The following SOBP variants were observed in gnomAD, a reference collection of about 807,000 sequenced individuals.
SOBP encodes sine oculis binding protein homolog.
A neutral mutation model predicts 53.6 loss-of-function variants in SOBP; 4 were observed. The observed-to-expected ratio is 0.07, with a 90% CI of 0.04 to 0.17. SOBP has a LOEUF of 0.17. SOBP is among the 10% of genes least tolerant of loss of function. The probability of loss-of-function intolerance (pLI) is 1.00; values close to 1 mark genes in which losing one functional copy is unlikely to be tolerated. For synonymous variants in SOBP, 584 were observed against 522.6 expected, an observed-to-expected ratio of 1.12 and a Z score of -1.60; for missense variants, 1,088 against 1,204.7, an observed-to-expected ratio of 0.90 and a Z score of 1.43.
At chr6:107,502,297 A>G (rs1007216494) in intron 1 of SOBP, among the ~76,000 whole-genome samples, 1 of 152,202 alleles carries the variant, frequency 6.6e-6, no homozygotes, top group African/African-American at 2.4e-5. Context: ...TCTAAGAAGG[A>G]TAATAAAAGA....
rs529959813 is a variant in SOBP at position 107,490,328 on chromosome 6, T to TGCGGCG, written c.-274_-269dup. 35 of 151,444 alleles carry TGCGGCG rather than the reference T, an allele frequency of 2.3e-4. 1 individual carries two copies. The highest frequency in any genetic ancestry group is 5.5e-4 in the African/African-American group (22 of 39,850). 9.4% of individuals were successfully genotyped at this position (151,444 alleles called of 1,614,324 possible). A position where few individuals can be genotyped will look rare whatever the true frequency, so the allele number is the denominator to read the frequency against. The stretch of plus-strand genomic sequence containing the variant: ...CAGCGGCAGCAGCGGCGGCGTTGGC[T>TGCGGCG]GCGGCGGCGGCGGCGGCGGCAGCAG... On this transcript the variant is annotated 5_prime_UTR_variant, in exon 1 of 7. Coordinates refer to ENST00000317357, the MANE Select transcript of SOBP (RefSeq NM_018013.4).
intron 6 of SOBP, among the ~76,000 whole-genome samples, chr6:107,649,993 C>A (rs1771734915): frequency 6.6e-6 from 1 of 152,168 alleles, no homozygotes; most frequent in Non-Finnish European, 1.5e-5. Flanking sequence ...AGGAAAACAA[C>A]ATTTTCATTT....
intron 4 of SOBP, among the ~76,000 whole-genome samples, chr6:107,575,914 C>G (rs1403638994): frequency 1.3e-5 from 2 of 152,082 alleles, no homozygotes; most frequent in East Asian, 3.8e-4. Flanking sequence ...TTTTTATTAC[C>G]TCAATTCATC....
chr6:107,491,434 C>T (rs1271835039), intron 1 of SOBP, among the ~76,000 whole-genome samples: 2 of 152,252 alleles, frequency 1.3e-5, no homozygotes, highest in Non-Finnish European at 2.9e-5. Flanking sequence ...TCGCTAAGGC[C>T]GGCCCGGAGT....
chr6:107,587,260 A>G (rs1416289425), intron 5 of SOBP, 85 bp downstream of exon 5: 7 of 1,029,162 alleles, frequency 6.8e-6, no homozygotes, highest in African/African-American at 3.1e-5. Context: ...TCATGATTAC[A>G]TAATTGATGA....
At position 107,659,846 on chromosome 6, in the gene SOBP, C is replaced by A. The variant is rs1772221787; in HGVS notation, c.*1643C>A. On this transcript the variant is annotated 3_prime_UTR_variant, in exon 7 of 7. Coordinates refer to ENST00000317357, the MANE Select transcript of SOBP (RefSeq NM_018013.4). ...GAGCTGTGAGAGCTTGGGGGACACA[C>A]CTGGCGAGCAAGCTCGCTTTTTAAA... is the stretch of plus-strand genomic sequence containing the variant. 6.6e-6 allele frequency: 1 copy of A among 151,750 alleles called. No homozygotes were observed. Among genetic ancestry groups the A allele is most frequent in the African/African-American group, 2.4e-5 (1 of 41,264 alleles). The allele number at this position is 151,750 out of a possible 1,614,324, so 9.4% of individuals were successfully genotyped here.
intron 4 of SOBP, among the ~76,000 whole-genome samples, chr6:107,545,261 T>C (rs544561129): frequency 1.3e-5 from 2 of 152,166 alleles, no homozygotes; most frequent in African/African-American, 4.8e-5. Context: ...TTGTTATATA[T>C]AGAGAGAACT....
At position 107,549,027 on chromosome 6, in the gene SOBP, G is replaced by C. The variant is rs923092353; in HGVS notation, c.573+15417G>C. ...TCAAGCCTGTAATCCCAGCACTTTG[G>C]GGGGCCGAGGCGGGCAGATCATGAG... is the stretch of plus-strand genomic sequence containing the variant. On this transcript the variant is annotated intron_variant, in intron 4 of 6. Transcript: ENST00000317357. 2.6e-5 allele frequency among the ~76,000 whole-genome samples: 4 copies of C among 152,234 alleles called. No individual in the cohort carries two copies. The South Asian group carries it at 6.2e-4, about 24-fold the overall frequency.
chr6:107,536,673 T>C (rs1784007553), intron 4 of SOBP, among the ~76,000 whole-genome samples: 4 of 152,158 alleles, frequency 2.6e-5, no homozygotes, highest in African/African-American at 9.7e-5. Context: ...TTTAACTGAA[T>C]TTAAATTTTT....
chr6:107,549,327 T>C (rs1784398802), intron 4 of SOBP, among the ~76,000 whole-genome samples: 1 of 151,840 alleles, frequency 6.6e-6, no homozygotes, highest in Non-Finnish European at 1.5e-5. Flanking sequence ...GAATTAATTA[T>C]AAAGAGGCAT....
intron 1 of SOBP, among the ~76,000 whole-genome samples, chr6:107,491,184 C>A (rs981720225): frequency 6.6e-6 from 1 of 152,218 alleles, no homozygotes; most frequent in African/African-American, 2.4e-5. Flanking sequence ...TCCCCCCAAC[C>A]AACCAGCTGC....
Position 107,634,071 on chromosome 6 carries a change from G to A in SOBP, c.1227G>A (p.Pro409=). Residue 409 remains proline, a synonymous_variant, in exon 6 of 7, where the codon CCG becomes CCA. Coordinates refer to ENST00000317357, the MANE Select transcript of SOBP (RefSeq NM_018013.4). This position sits in a 1 kb window ranked among gnomAD's most constrained non-coding sequence, Gnocchi z 4.5. ...MEQQIMQQIR[P]PFIRGPPHHA... is the part of the protein sequence containing the mutation. The stretch of plus-strand genomic sequence containing the variant: ...AGCAGATCATGCAGCAGATCCGCCC[G>A]CCCTTCATCCGCGGGCCTCCGCACC... The A allele has an allele frequency of 6.2e-7, 1 of 1,600,820 alleles. No homozygotes were observed. The highest frequency in any genetic ancestry group is 8.5e-7 in the Non-Finnish European group (1 of 1,172,726).
In SOBP at chr6:107,529,612, G is replaced by GT. The variant is rs1297584588; in HGVS notation, c.422-3846dup. 4 of 985,254 alleles carry GT rather than the reference G, an allele frequency of 4.1e-6. No homozygotes were observed. The African/African-American group carries it at 5.2e-5, about 13-fold the overall frequency. The allele number at this position is 985,254 out of a possible 1,614,324, so 61.0% of individuals were successfully genotyped here. A position where few individuals can be genotyped will look rare whatever the true frequency, so the allele number is the denominator to read the frequency against. On this transcript the variant is annotated intron_variant, in intron 3 of 6. Transcript: ENST00000317357. The stretch of plus-strand genomic sequence containing the variant: ...CTGATTTTCTTTGGGCACTGGTCAG[G>GT]TAAGTTAGTATACATGTTTATAGCC...
chr6:107,575,612 A>G (rs1785201809), intron 4 of SOBP, among the ~76,000 whole-genome samples: 1 of 152,162 alleles, frequency 6.6e-6, no homozygotes, highest in South Asian at 2.1e-4. Context: ...GCAGAACCAC[A>G]TATTATTTTT....
intron 4 of SOBP, among the ~76,000 whole-genome samples, chr6:107,537,453 G>A (rs1393436488): frequency 6.6e-6 from 1 of 152,064 alleles, no homozygotes. Flanking sequence ...TTATGGATTC[G>A]GAATGTTGAT....
At chr6:107,617,083 G>T (rs1407357811) in intron 5 of SOBP, among the ~76,000 whole-genome samples, 2 of 152,156 alleles carry the variant, frequency 1.3e-5, no homozygotes, top group Admixed American at 6.5e-5. Context: ...GGGTTCACCC[G>T]CACACCTAAA....
chr6:107,578,121 A>T (rs1785293041), intron 4 of SOBP, among the ~76,000 whole-genome samples: 1 of 150,068 alleles, frequency 6.7e-6, no homozygotes, highest in African/African-American at 2.4e-5. Flanking sequence ...AGTGTTGAAG[A>T]TGTTGGAGTA....
chr6:107,596,714 G>A (rs1056314136), intron 5 of SOBP, among the ~76,000 whole-genome samples: 29 of 152,212 alleles, frequency 1.9e-4, no homozygotes, highest in African/African-American at 7.0e-4. Flanking sequence ...GTAAATTCAT[G>A]GAGATACATA....
rs547311696 is a variant in SOBP at position 107,526,562 on chromosome 6, C to G, written c.422-6897C>G. 1.3e-3 allele frequency among the ~76,000 whole-genome samples: 195 copies of G among 152,288 alleles called. 1 individual carries two copies. The highest frequency in any genetic ancestry group is 1.4e-3 in the Non-Finnish European group (93 of 68,024). ...AAATGCCGTGCTCTCTGGAATGGCTCTCACAACTGTCTGAACCTCTCTCTT... is the reference window on the plus strand; with the variant it reads ...AAATGCCGTGCTCTCTGGAATGGCTGTCACAACTGTCTGAACCTCTCTCTT... On this transcript the variant is annotated intron_variant, in intron 3 of 6. Coordinates refer to ENST00000317357, the MANE Select transcript of SOBP (RefSeq NM_018013.4).
Sources: allele counts gnomAD v4.1 joint callset (sites outside exome capture counted in the v4.1 genomes callset), GRCh38; gene constraint gnomAD v4.1.1; non-coding constraint Gnocchi (gnomAD v3.1); transcripts MANE v1.5; gene names NCBI Gene and HGNC (gene_info 2026-07-23, HGNC 2026-07-21).